PCDH15: variants seen among roughly 807,000 people sequenced by gnomAD.
The protein encoded by PCDH15 is protocadherin-15.
PCDH15 carries 129 observed loss-of-function variants against 178.5 expected under a neutral mutation model. The ratio of observed to expected loss-of-function variants is 0.72; its 90% CI spans 0.63 to 0.84. The LOEUF (loss-of-function observed/expected upper bound fraction) is 0.84. Among genes scored for constraint, PCDH15 ranks in the 40% least tolerant of loss-of-function variants. The pLI is 0.00. For missense variants in PCDH15, 2,230 were observed against 2,099.9 expected (o/e 1.06, Z -1.21); for synonymous variants, 800 against 732.0 (o/e 1.09, Z -1.50).
intron 2 of PCDH15, among the ~76,000 whole-genome samples, chr10:55,587,735 C>T (rs981344087): frequency 2.6e-5 from 4 of 152,136 alleles, no homozygotes; most frequent in African/African-American, 7.2e-5. Flanking sequence ...TGAAAAGATG[C>T]TTTCTTGACA....
In PCDH15 at chr10:55,354,960, A is replaced by G. The variant is rs1193924902; in HGVS notation, c.-155-188309T>C. ...CCACTGGGATATTCTCCCTCCCAAT[A>G]ATTTTATCATTTTGATAATGTCATT... On this transcript the variant is annotated intron_variant, in intron 2 of 5. Coordinates refer to the PCDH15 transcript ENST00000613346. Among the ~76,000 whole-genome samples the G allele has an allele frequency of 2.0e-5, 3 of 152,114 alleles. No individual in the cohort carries two copies. In the East Asian group the frequency reaches 5.8e-4, roughly 29 times the overall value.
chr10:55,341,074 G>A (rs961877368), intron 2 of PCDH15, among the ~76,000 whole-genome samples: 2 of 151,046 alleles, frequency 1.3e-5, no homozygotes, highest in African/African-American at 4.8e-5. Flanking sequence ...AAAGCTCTTA[G>A]TAGTAAATTT....
At chr10:54,750,103 TCTCTCTTTCTCTC>T (rs1946014086) in intron 1 of PCDH15, among the ~76,000 whole-genome samples, 1 of 151,972 alleles carries the variant, frequency 6.6e-6, no homozygotes, top group South Asian at 2.1e-4. Context: ...TGTCTCTCTT[TCTCTCTTTCTCTC>T]CTCTCTTTCT....
intron 32 of PCDH15, chr10:53,822,382 A>T (rs780569622): frequency 6.4e-7 from 1 of 1,572,446 alleles, no homozygotes; most frequent in South Asian, 1.1e-5. Context: ...GAAGGAGGAG[A>T]GGGAGGAGGA....
intron 2 of PCDH15, among the ~76,000 whole-genome samples, chr10:54,987,554 T>G (rs1839402775): frequency 6.6e-6 from 1 of 152,180 alleles, no homozygotes; most frequent in African/African-American, 2.4e-5. Flanking sequence ...TAGTGATTGC[T>G]ATTCTGACTG....
chr10:54,841,423 A>G (rs1953415093), intron 3 of PCDH15, among the ~76,000 whole-genome samples: 1 of 151,856 alleles, frequency 6.6e-6, no homozygotes, highest in African/African-American at 2.4e-5. Context: ...CTAAGAAGGT[A>G]GTTTATAGTG....
At chr10:55,178,499 G>A (rs1165621400) in intron 1 of PCDH15, among the ~76,000 whole-genome samples, 1 of 152,126 alleles carries the variant, frequency 6.6e-6, no homozygotes, top group Non-Finnish European at 1.5e-5. Flanking sequence ...ACCTAGGAAA[G>A]GATTAAACCT....
rs551678069 is a variant in PCDH15 at position 55,081,514 on chromosome 10, T to C, written c.-80+85062A>G. Among the ~76,000 whole-genome samples the C allele has an allele frequency of 2.0e-5, 3 of 152,272 alleles. No individual in the cohort carries two copies. In the East Asian group the frequency reaches 5.8e-4, roughly 30 times the overall value. On this transcript the variant is annotated intron_variant, in intron 2 of 5. Transcript: ENST00000458638. Reference sequence around the variant, plus strand: ...TTTGCTTACTCCCAAAGTGTATACATTGAAATCTTAACCATACCATACCAG... The same window carrying C: ...TTTGCTTACTCCCAAAGTGTATACACTGAAATCTTAACCATACCATACCAG...
At position 54,264,548 on chromosome 10, in the gene PCDH15, A is replaced by C. The variant is rs184368080; in HGVS notation, c.877-27617T>G. ...ACAGTCCGAATTTGAAAGACAACAT[A>C]GCTATATTAAGAAAGAGCCAAACTG... On this transcript the variant is annotated intron_variant, in intron 8 of 37. Transcript: ENST00000644397. Among the ~76,000 whole-genome samples the C allele has an allele frequency of 1.6e-3, 251 of 152,322 alleles. 1 individual carries two copies. The highest frequency in any genetic ancestry group is 5.6e-3 in the African/African-American group (232 of 41,568).
intron 3 of PCDH15, among the ~76,000 whole-genome samples, chr10:54,829,007 A>G (rs1168385211): frequency 6.6e-6 from 1 of 151,986 alleles, no homozygotes; most frequent in African/African-American, 2.4e-5. Flanking sequence ...ATAGCATATT[A>G]AAAAACTGCT....
At chr10:55,331,806 G>T (rs1844206728) in intron 2 of PCDH15, among the ~76,000 whole-genome samples, 1 of 151,884 alleles carries the variant, frequency 6.6e-6, no homozygotes, top group Non-Finnish European at 1.5e-5. Flanking sequence ...ATTATTAACG[G>T]GTAACAGGAT....
intron 4 of PCDH15, among the ~76,000 whole-genome samples, chr10:54,370,988 G>A (rs190418499): frequency 2.3e-4 from 35 of 151,840 alleles, no homozygotes; most frequent in Non-Finnish European, 4.9e-4. Flanking sequence ...ATCACACATA[G>A]CTCTGTGTTT....
chr10:54,546,949 T>C (rs748878788), intron 2 of PCDH15, among the ~76,000 whole-genome samples: 29 of 152,196 alleles, frequency 1.9e-4, no homozygotes, highest in Non-Finnish European at 3.4e-4. Flanking sequence ...GCAACTGAGC[T>C]AGAGTCTTCT....
chr10:54,009,686 C>T (rs138496346), intron 20 of PCDH15, among the ~76,000 whole-genome samples: 39 of 152,294 alleles, frequency 2.6e-4, no homozygotes, highest in Non-Finnish European at 3.1e-4. Context: ...CAACTGCCCA[C>T]CCTGGGGTGG....
intron 3 of PCDH15, among the ~76,000 whole-genome samples, chr10:54,858,845 G>A (rs1953786812): frequency 6.6e-6 from 1 of 151,942 alleles, no homozygotes; most frequent in Admixed American, 6.6e-5. Flanking sequence ...TTTAATTTCA[G>A]ATTAGAGTAG....
chr10:55,326,783 A>T (rs1844041925), intron 2 of PCDH15, among the ~76,000 whole-genome samples: 1 of 152,128 alleles, frequency 6.6e-6, no homozygotes, highest in African/African-American at 2.4e-5. Context: ...ACTGTAAAAA[A>T]AATTGAGAAG....
intron 1 of PCDH15, among the ~76,000 whole-genome samples, chr10:55,217,406 A>C: frequency 6.6e-6 from 1 of 151,910 alleles, no homozygotes; most frequent in East Asian, 1.9e-4. Context: ...ATATCAATTC[A>C]CAAATGCTTT....
At chr10:55,010,078 A>T (rs1260165789) in intron 2 of PCDH15, among the ~76,000 whole-genome samples, 1 of 152,140 alleles carries the variant, frequency 6.6e-6, no homozygotes, top group African/African-American at 2.4e-5. Context: ...AAAAAATGAG[A>T]AGACTATTGT....
intron 2 of PCDH15, among the ~76,000 whole-genome samples, chr10:55,478,439 TGA>T (rs1337313193): frequency 1.3e-5 from 2 of 151,610 alleles, no homozygotes; most frequent in African/African-American, 4.8e-5. Context: ...TAAAAATTCC[TGA>T]GATGAATGAA....
Sources: allele counts gnomAD v4.1 joint callset (sites outside exome capture counted in the v4.1 genomes callset), GRCh38; gene constraint gnomAD v4.1.1; transcripts MANE v1.5; gene names NCBI Gene and HGNC (gene_info 2026-07-23, HGNC 2026-07-21).